ADGRL3: variants seen among roughly 807,000 people sequenced by gnomAD.
ADGRL3 encodes the protein calcium-independent alpha-latrotoxin receptor 3.
Under a neutral mutation model 153.5 loss-of-function variants are expected in ADGRL3, and 62 were observed. The observed-to-expected ratio is 0.40, with a 90% CI of 0.33 to 0.50. ADGRL3 has a LOEUF of 0.50. Ranked by LOEUF, ADGRL3 falls within the 20% of genes least tolerant of loss-of-function variation. The pLI, the probability that ADGRL3 is intolerant of heterozygous loss-of-function variation, is 0.47. For missense variants in ADGRL3, 1,641 were observed against 1,859.4 expected, an observed-to-expected ratio of 0.88 and a Z score of 2.16; for synonymous variants, 710 against 672.5, an observed-to-expected ratio of 1.06 and a Z score of -0.86.
At chr4:61,504,762 G>T (rs536373325) in intron 3 of ADGRL3, among the ~76,000 whole-genome samples, 1 of 152,004 alleles carries the variant, frequency 6.6e-6, no homozygotes, top group African/African-American at 2.4e-5. Context: ...TGCAATGTTT[G>T]TCTTTCTATG....
At chr4:61,855,885 A>G (rs931964267) in intron 9 of ADGRL3, among the ~76,000 whole-genome samples, 1 of 152,194 alleles carries the variant, frequency 6.6e-6, no homozygotes, top group Non-Finnish European at 1.5e-5. Flanking sequence ...ATATAATTAA[A>G]AGAGCAATTA....
rs1169680925 is a variant in ADGRL3 at position 61,815,407 on chromosome 4, G to T, written c.1480+1518G>T. ...GAAACATATTTCTGGTGTTAGTGTA[G>T]GTAATAAGCTGATTGGAGAAGAGAT... is the stretch of plus-strand genomic sequence containing the variant. On this transcript the variant is annotated intron_variant, in intron 9 of 26. Transcript: ENST00000683033. Among the ~76,000 whole-genome samples, 3 of 152,320 alleles carry T rather than the reference G, an allele frequency of 2.0e-5. No individual in the cohort carries two copies. In the East Asian group the frequency reaches 5.8e-4, roughly 29 times the overall value.
At chr4:61,519,016 C>G (rs1303571980) in intron 4 of ADGRL3, among the ~76,000 whole-genome samples, 2 of 152,048 alleles carry the variant, frequency 1.3e-5, no homozygotes, top group Non-Finnish European at 2.9e-5. Context: ...TATTAGTTAA[C>G]TAACTCCAAT....
At chr4:61,299,650 T>C (rs2094519412) in intron 1 of ADGRL3, among the ~76,000 whole-genome samples, 1 of 152,208 alleles carries the variant, frequency 6.6e-6, no homozygotes, top group East Asian at 1.9e-4. Flanking sequence ...AATTCAGTTT[T>C]GGTTAAAAAT....
Position 61,200,991 on chromosome 4 carries a change from T to C in ADGRL3, c.-1014T>C, listed in dbSNP as rs558587707. ...GGGAAGGAGTTTGTGTGGCTCTCGCTCCGGCTGTCCGCGGAGGTTGCGGGC... is the reference window on the plus strand; with the variant it reads ...GGGAAGGAGTTTGTGTGGCTCTCGCCCCGGCTGTCCGCGGAGGTTGCGGGC... On this transcript the variant is annotated 5_prime_UTR_variant, in exon 1 of 27. Coordinates refer to ENST00000683033, the MANE Select transcript of ADGRL3 (RefSeq NM_001387552.1). Among the ~76,000 whole-genome samples the C allele has an allele frequency of 5.5e-3, 836 of 152,172 alleles. 8 individuals carry two copies. The highest frequency in any genetic ancestry group is 0.018 in the African/African-American group (747 of 41,534).
At chr4:61,205,938 T>C (rs1736947961) in intron 1 of ADGRL3, among the ~76,000 whole-genome samples, 1 of 152,220 alleles carries the variant, frequency 6.6e-6, no homozygotes, top group Admixed American at 6.5e-5. Context: ...AAATTAATTC[T>C]ACTGCTGCAT....
intron 4 of ADGRL3, among the ~76,000 whole-genome samples, chr4:61,569,540 C>G (rs917557994): frequency 6.6e-6 from 1 of 152,208 alleles, no homozygotes; most frequent in Admixed American, 6.6e-5. Flanking sequence ...TGAAAGGAGC[C>G]TGGGCAATAT....
intron 2 of ADGRL3, among the ~76,000 whole-genome samples, chr4:61,414,368 A>T (rs533520835): frequency 6.6e-6 from 1 of 152,306 alleles, no homozygotes; most frequent in South Asian, 2.1e-4. Flanking sequence ...ATTTCCTACT[A>T]CTAAACATAT....
intron 1 of ADGRL3, among the ~76,000 whole-genome samples, chr4:61,207,453 T>G (rs777958128): frequency 2.6e-5 from 4 of 152,200 alleles, no homozygotes; most frequent in Non-Finnish European, 4.4e-5. Context: ...TATCATTGAT[T>G]GGCATTTGGG....
intron 8 of ADGRL3, among the ~76,000 whole-genome samples, chr4:61,757,239 C>A (rs2096845859): frequency 6.6e-6 from 1 of 152,040 alleles, no homozygotes; most frequent in Admixed American, 6.5e-5. Context: ...GGCTGTGAAT[C>A]CATCTGGTCC....
intron 6 of ADGRL3, among the ~76,000 whole-genome samples, chr4:61,710,476 C>T (rs2095951506): frequency 6.6e-6 from 1 of 152,114 alleles, no homozygotes; most frequent in African/African-American, 2.4e-5. Context: ...TTGTCTTTTA[C>T]CTGAATAATG....
At chr4:61,852,504 G>A (rs1025774513) in intron 9 of ADGRL3, among the ~76,000 whole-genome samples, 4 of 151,764 alleles carry the variant, frequency 2.6e-5, no homozygotes, top group Admixed American at 6.6e-5. Flanking sequence ...TAGTAGAGAC[G>A]GGGTTTCGCC....
chr4:61,802,182 CT>C (rs1186664692), intron 8 of ADGRL3, among the ~76,000 whole-genome samples: 14 of 152,220 alleles, frequency 9.2e-5, no homozygotes, highest in African/African-American at 3.1e-4. Context: ...CAAAGAAGAG[CT>C]GATAAACTTA....
intron 21 of ADGRL3, among the ~76,000 whole-genome samples, chr4:62,002,978 A>C (rs2099145794): frequency 6.6e-6 from 1 of 152,192 alleles, no homozygotes; most frequent in African/African-American, 2.4e-5. Context: ...CTTCAAAATA[A>C]AAATTGATAG....
chr4:61,465,634 CTGCT>C (rs2097869915), intron 2 of ADGRL3, among the ~76,000 whole-genome samples: 1 of 150,656 alleles, frequency 6.6e-6, no homozygotes, highest in South Asian at 2.1e-4. Context: ...ATATTTCTGA[CTGCT>C]AAATGATAAG....
chr4:61,460,934 G>A (rs1160418028), intron 2 of ADGRL3, among the ~76,000 whole-genome samples: 2 of 152,142 alleles, frequency 1.3e-5, no homozygotes, highest in African/African-American at 4.8e-5. Flanking sequence ...GCCAGGCGCG[G>A]TGGCAGGCAC....
chr4:61,755,980 T>G lies in ADGRL3; in HGVS notation c.1399+22426T>G, dbSNP rs574539431. Among the ~76,000 whole-genome samples the G allele has an allele frequency of 4.8e-4, 73 of 152,276 alleles. 2 individuals carry two copies. The highest frequency in any genetic ancestry group is 2.0e-3 in the Admixed American group (30 of 15,300). On this transcript the variant is annotated intron_variant, in intron 8 of 26. Coordinates refer to ENST00000683033, the MANE Select transcript of ADGRL3 (RefSeq NM_001387552.1). ...CTCTGTTCTGTTCCATTGATCTATA[T>G]CTCTGTTTTGGTACCAGTACCATGC...
intron 25 of ADGRL3, among the ~76,000 whole-genome samples, chr4:62,048,476 T>C (rs1302981750): frequency 1.3e-5 from 2 of 152,092 alleles, no homozygotes; most frequent in Non-Finnish European, 2.9e-5. Flanking sequence ...TTGGCCAGGC[T>C]GGTCTTGAAC....
intron 6 of ADGRL3, among the ~76,000 whole-genome samples, chr4:61,710,090 A>G (rs2095940141): frequency 6.6e-6 from 1 of 152,226 alleles, no homozygotes; most frequent in Non-Finnish European, 1.5e-5. Context: ...ACATTTAAAA[A>G]TGAAATGAGT....
Sources: allele counts gnomAD v4.1 joint callset (sites outside exome capture counted in the v4.1 genomes callset), GRCh38; gene constraint gnomAD v4.1.1; transcripts MANE v1.5; gene names NCBI Gene and HGNC (gene_info 2026-07-23, HGNC 2026-07-21).